The following EYS variants were observed in gnomAD, a reference collection of about 807,000 sequenced individuals.
EYS encodes the protein EGF-like photoreceptor maintenance factor, also known as protein eyes shut homolog.
EYS carries 250 observed loss-of-function variants against 282.1 expected under a neutral mutation model. The ratio of observed to expected loss-of-function variants is 0.89; its 90% confidence interval spans 0.80 to 0.98. The LOEUF (loss-of-function observed/expected upper bound fraction) is 0.98, where lower values mean the gene tolerates loss of function less well. Ranked by LOEUF, EYS falls within the 50% of genes least tolerant of loss-of-function variation. The probability of loss-of-function intolerance (pLI) is 0.00; values close to 1 mark genes in which losing one functional copy is unlikely to be tolerated. For missense variants in EYS, 4,016 were observed against 3,709.0 expected, an observed-to-expected ratio of 1.08 and a Z score of -2.15; for synonymous variants, 1,355 against 1,282.9, an observed-to-expected ratio of 1.06 and a Z score of -1.20.
chr6:65,124,543 A>C (rs145424262), intron 12 of EYS, among the ~76,000 whole-genome samples: 186 of 152,310 alleles, frequency 1.2e-3, no homozygotes, highest in African/African-American at 4.0e-3. Context: ...AAACATCTCC[A>C]TGTCTAATGA....
chr6:64,582,127 A>T (rs1766089698), intron 26 of EYS, among the ~76,000 whole-genome samples: 1 of 152,114 alleles, frequency 6.6e-6, no homozygotes, highest in South Asian at 2.1e-4. Flanking sequence ...ACAACTATTC[A>T]ACTTTGTTGT....
At chr6:64,522,760 A>G (rs576855799) in intron 26 of EYS, among the ~76,000 whole-genome samples, 54 of 151,852 alleles carry the variant, frequency 3.6e-4, no homozygotes, top group African/African-American at 1.3e-3. Flanking sequence ...CGATCGCTGA[A>G]GGTTAAAAAT....
At chr6:65,347,193 A>G in intron 9 of EYS, among the ~76,000 whole-genome samples, 1 of 151,924 alleles carries the variant, frequency 6.6e-6, no homozygotes, top group East Asian at 1.9e-4. Context: ...TACCAGGCTA[A>G]GAGGAGAAAA....
At chr6:65,688,510 GA>G (rs1217902535) in intron 1 of EYS, among the ~76,000 whole-genome samples, 1 of 151,998 alleles carries the variant, frequency 6.6e-6, no homozygotes, top group Non-Finnish European at 1.5e-5. Context: ...TACCATTCAG[GA>G]CATAGGCATG....
At chr6:64,372,130 G>GTTTTTTTTTTTTTTTTTTTTTTT (rs201498090) in intron 29 of EYS, among the ~76,000 whole-genome samples, 39 of 97,702 alleles carry the variant, frequency 4.0e-4, no homozygotes, top group African/African-American at 1.1e-3. Flanking sequence ...GTATACTTGT[G>GTTTTTTTTTTTTTTTTTTTTTTT]TTTTTTTTTT....
At chr6:63,970,436 C>G (rs759448021) in intron 35 of EYS, among the ~76,000 whole-genome samples, 1 of 152,108 alleles carries the variant, frequency 6.6e-6, no homozygotes, top group Non-Finnish European at 1.5e-5. Flanking sequence ...GTGATCGAGA[C>G]CATTCTGACT....
intron 34 of EYS, among the ~76,000 whole-genome samples, chr6:63,995,667 C>T (rs914884779): frequency 6.6e-6 from 1 of 151,968 alleles, no homozygotes; most frequent in African/African-American, 2.4e-5. Flanking sequence ...ATAGAAACAA[C>T]ATAAATGTCC....
intron 28 of EYS, among the ~76,000 whole-genome samples, chr6:64,395,113 A>G (rs533392311): frequency 6.6e-6 from 1 of 152,128 alleles, no homozygotes; most frequent in Non-Finnish European, 1.5e-5. Context: ...AATGGCGATC[A>G]TTAAAAAGTC....
intron 5 of EYS, among the ~76,000 whole-genome samples, chr6:65,457,274 C>T (rs1764659279): frequency 2.0e-5 from 3 of 152,240 alleles, no homozygotes; most frequent in Admixed American, 1.3e-4. Flanking sequence ...AAGTGATTCT[C>T]CTGTCTCAGA....
At chr6:64,249,961 C>A (rs1234472509) in intron 30 of EYS, among the ~76,000 whole-genome samples, 3 of 152,066 alleles carry the variant, frequency 2.0e-5, no homozygotes, top group Non-Finnish European at 4.4e-5. Flanking sequence ...GAGAACAGAC[C>A]TGGAAGTGAG....
intron 5 of EYS, among the ~76,000 whole-genome samples, chr6:65,475,852 T>G (rs1270451346): frequency 3.9e-5 from 6 of 151,908 alleles, no homozygotes; most frequent in Non-Finnish European, 8.8e-5. Flanking sequence ...AGTAATTAAA[T>G]TTATTCCATT....
Position 64,019,599 on chromosome 6 carries a change from C to T in EYS, c.6726-20416G>A, listed in dbSNP as rs568536884. Among the ~76,000 whole-genome samples, 226 of 151,530 alleles carry T rather than the reference C, an allele frequency of 1.5e-3. 1 individual carries two copies. The highest frequency in any genetic ancestry group is 5.2e-3 in the African/African-American group (213 of 41,336). On this transcript the variant is annotated intron_variant, in intron 33 of 42. Transcript: ENST00000503581. ...CTAATTTTTGCATTTTTAGTGGAGA[C>T]GGGGTTTCACCATATTGGCCAGGCT...
Position 63,720,930 on chromosome 6 carries a change from T to G in EYS, c.9101A>C (p.Tyr3034Ser), listed in dbSNP as rs779289332. The part of the protein sequence containing the change: ...LGERISVPMS[Y>S]NNGTFCCNKW... The stretch of plus-strand genomic sequence containing the variant: ...ATTACAACAGAATGTGCCATTGTTA[T>G]AGCTCATAGGCACAGAGATTCTTTC... Residue 3034 changes from tyrosine (Y) to serine (S), a missense_variant, in exon 43 of 43, where the codon TAT becomes TCT. By Grantham distance (144) the Tyr-to-Ser change is moderately radical (BLOSUM62 -2). Transcript: ENST00000503581. 28 of 1,551,186 alleles carry G rather than the reference T, an allele frequency of 1.8e-5. No individual in the cohort carries two copies. The highest frequency in any genetic ancestry group is 2.4e-5 in the Non-Finnish European group (28 of 1,146,750).
chr6:65,382,977 C>A (rs181196434), intron 8 of EYS, among the ~76,000 whole-genome samples: 1 of 132,926 alleles, frequency 7.5e-6, no homozygotes, highest in Admixed American at 7.6e-5. Flanking sequence ...GCATCACATG[C>A]TAGTACCACA....
Position 64,215,546 on chromosome 6 carries a change from C to CTATAAATGGAA in EYS, c.6424+15035_6424+15045dup, listed in dbSNP as rs1335634065. 5.3e-5 allele frequency among the ~76,000 whole-genome samples: 8 copies of CTATAAATGGAA among 152,044 alleles called. No individual in the cohort carries two copies. In the East Asian group the frequency reaches 1.2e-3, roughly 22 times the overall value. On this transcript the variant is annotated intron_variant, in intron 31 of 42. Coordinates refer to ENST00000503581, the MANE Select transcript of EYS (RefSeq NM_001142800.2). Reference sequence around the variant, plus strand: ...AGTCAGAGATAGTGCCTCTAATTTGCTATAAATGGAAGTAATTTCTATATT... The same window carrying CTATAAATGGAA: ...AGTCAGAGATAGTGCCTCTAATTTGCTATAAATGGAATATAAATGGAAGTAATTTCTATATT...
intron 35 of EYS, among the ~76,000 whole-genome samples, chr6:63,921,134 G>A (rs536255836): frequency 7.9e-5 from 12 of 152,286 alleles, no homozygotes; most frequent in African/African-American, 2.9e-4. Context: ...TTGACCTCGT[G>A]ATCTGCCCGC....
At chr6:65,039,801 T>G (rs888280115) in intron 13 of EYS, among the ~76,000 whole-genome samples, 3 of 151,636 alleles carry the variant, frequency 2.0e-5, no homozygotes, top group African/African-American at 7.3e-5. Context: ...TAAAAAAGGG[T>G]GTATTTTGCA....
intron 24 of EYS, among the ~76,000 whole-genome samples, chr6:64,602,300 G>A (rs1169671501): frequency 6.6e-6 from 1 of 152,026 alleles, no homozygotes; most frequent in Non-Finnish European, 1.5e-5. Flanking sequence ...AGGTTAAAGA[G>A]TTGAGCAAGC....
intron 31 of EYS, among the ~76,000 whole-genome samples, chr6:64,131,833 A>G (rs1458949452): frequency 6.6e-6 from 1 of 152,204 alleles, no homozygotes; most frequent in African/African-American, 2.4e-5. Context: ...GAAATCATAC[A>G]TGGTGCCATA....
Sources: gnomAD v4.1 joint callset for allele counts (sites outside exome capture counted in the v4.1 genomes callset) on GRCh38, gnomAD v4.1.1 for gene constraint, MANE v1.5 for transcripts, NCBI Gene and HGNC (gene_info 2026-07-23, HGNC 2026-07-21) for gene names.